Variants in LARGE1 observed in about 807,000 individuals in gnomAD.
LARGE1 encodes the protein xylosyl- and glucuronyltransferase LARGE1.
A neutral mutation model predicts 87.6 loss-of-function variants in LARGE1; 43 were observed. The observed-to-expected ratio is 0.49, with a 90% CI of 0.38 to 0.63. LARGE1 has a LOEUF of 0.63. Ranked by LOEUF, LARGE1 falls within the 30% of genes least tolerant of loss-of-function variation. The probability of loss-of-function intolerance (pLI) is 0.00; values close to 1 mark genes in which losing one functional copy is unlikely to be tolerated. For synonymous variants in LARGE1, 434 were observed against 394.6 expected (o/e 1.10, Z -1.18); for missense variants, 802 against 1,000.2 (o/e 0.80, Z 2.67).
At chr22:33,830,468 T>C (rs538831451) in intron 1 of LARGE1, among the ~76,000 whole-genome samples, 7 of 152,296 alleles carry the variant, frequency 4.6e-5, no homozygotes, top group African/African-American at 1.7e-4. Context: ...TTGTGCCAGA[T>C]GGCCTGCCTT....
At chr22:33,509,312 C>A (rs1202677244) in intron 6 of LARGE1, among the ~76,000 whole-genome samples, 1 of 152,146 alleles carries the variant, frequency 6.6e-6, no homozygotes, top group Non-Finnish European at 1.5e-5. Context: ...TGATCCAAGA[C>A]CCTCTCCCCA....
chr22:33,486,179 AC>A (rs900301017), intron 6 of LARGE1, among the ~76,000 whole-genome samples: 1 of 152,070 alleles, frequency 6.6e-6, no homozygotes, highest in African/African-American at 2.4e-5. Flanking sequence ...TGGCTTGCCC[AC>A]TCTGAGCCTC....
chr22:33,854,985 A>G (rs1374697568), intron 1 of LARGE1, among the ~76,000 whole-genome samples: 2 of 152,278 alleles, frequency 1.3e-5, no homozygotes, highest in South Asian at 2.1e-4. Flanking sequence ...GCAGAGAGAG[A>G]GAGCACTTTC....
chr22:33,670,437 T>G (rs976447214), intron 2 of LARGE1, among the ~76,000 whole-genome samples: 1 of 151,416 alleles, frequency 6.6e-6, no homozygotes, highest in Non-Finnish European at 1.5e-5. Context: ...AGAGACATGT[T>G]CAAGCAGAGG....
In LARGE1 at chr22:33,337,918, C is replaced by T. The variant is rs552705439; in HGVS notation, c.1132-117G>A. On this transcript the variant is annotated intron_variant, in intron 9 of 14. Coordinates refer to ENST00000397394, the MANE Select transcript of LARGE1 (RefSeq NM_133642.5). ...AGCATTATTTGAGGGTCTGCTCATT[C>T]GCTCATTCAACATTTTGGCAGAGTG... is the stretch of plus-strand genomic sequence containing the variant. 70 of 1,145,602 alleles carry T rather than the reference C, an allele frequency of 6.1e-5. No homozygotes were observed. In the East Asian group the frequency reaches 1.5e-3, roughly 25 times the overall value. 71.0% of individuals were successfully genotyped at this position (1,145,602 alleles called of 1,614,324 possible).
intron 2 of LARGE1, chr22:33,750,593 T>C (rs899348714): frequency 2.0e-5 from 3 of 149,860 alleles, no homozygotes; most frequent in Non-Finnish European, 4.4e-5. Context: ...TTTTTTTTTT[T>C]CCATTTCCAG....
chr22:33,590,445 C>T (rs887614324), intron 5 of LARGE1, among the ~76,000 whole-genome samples: 3 of 152,134 alleles, frequency 2.0e-5, no homozygotes, highest in Non-Finnish European at 4.4e-5. Flanking sequence ...CACAATTCAC[C>T]TCTTTTAAAC....
chr22:33,523,960 C>G (rs537874702), intron 6 of LARGE1, among the ~76,000 whole-genome samples: 1 of 151,662 alleles, frequency 6.6e-6, no homozygotes, highest in Admixed American at 6.6e-5. Context: ...GAGAACTGTG[C>G]CATCATCACT....
intron 2 of LARGE1, among the ~76,000 whole-genome samples, chr22:33,748,582 T>C (rs1335282243): frequency 6.6e-6 from 1 of 151,930 alleles, no homozygotes; most frequent in Non-Finnish European, 1.5e-5. Context: ...TTACGCAGAG[T>C]CAATTTGCGG....
intron 6 of LARGE1, among the ~76,000 whole-genome samples, chr22:33,506,818 T>C (rs926761502): frequency 1.3e-5 from 2 of 152,128 alleles, no homozygotes; most frequent in Non-Finnish European, 2.9e-5. Context: ...AGAGAATCGC[T>C]TGAACCCAGG....
intron 1 of LARGE1, among the ~76,000 whole-genome samples, chr22:33,870,638 G>A (rs372386189): frequency 2.0e-5 from 3 of 151,970 alleles, no homozygotes; most frequent in East Asian, 1.9e-4. Flanking sequence ...GCGCAATCTC[G>A]GCTCACTGCA....
At chr22:33,367,745 A>G (rs1199432319) in intron 9 of LARGE1, among the ~76,000 whole-genome samples, 2 of 152,134 alleles carry the variant, frequency 1.3e-5, no homozygotes, top group Non-Finnish European at 2.9e-5. Context: ...CGTTGTTTAT[A>G]TTAATATATC....
intron 12 of LARGE1, among the ~76,000 whole-genome samples, chr22:33,289,255 G>A (rs1932107299): frequency 6.6e-6 from 1 of 152,190 alleles, no homozygotes; most frequent in Non-Finnish European, 1.5e-5. Flanking sequence ...ACCGCGCCCA[G>A]CTGGACCAAG....
At chr22:33,492,566 A>G (rs2069900092) in intron 6 of LARGE1, among the ~76,000 whole-genome samples, 1 of 151,978 alleles carries the variant, frequency 6.6e-6, no homozygotes, top group Admixed American at 6.6e-5. Context: ...CAGAGTGGGG[A>G]CTCCGTGCTG....
chr22:33,424,253 G>A (rs751165568), intron 7 of LARGE1, among the ~76,000 whole-genome samples: 9 of 152,220 alleles, frequency 5.9e-5, no homozygotes, highest in Non-Finnish European at 8.8e-5. Flanking sequence ...AGGTGGAGGT[G>A]TGAACCTTCA....
chr22:33,814,920 C>T (rs928456711), intron 1 of LARGE1, among the ~76,000 whole-genome samples: 5 of 152,136 alleles, frequency 3.3e-5, no homozygotes, highest in Admixed American at 6.5e-5. Flanking sequence ...CTGCCTGCAG[C>T]GAAACAACAT....
intron 12 of LARGE1, among the ~76,000 whole-genome samples, chr22:33,299,477 T>C (rs938555409): frequency 2.0e-5 from 3 of 152,136 alleles, no homozygotes; most frequent in African/African-American, 7.2e-5. Flanking sequence ...GTAGTATCAA[T>C]ATATAGTTTC....
intron 7 of LARGE1, among the ~76,000 whole-genome samples, chr22:33,395,487 T>C (rs961528800): frequency 3.3e-5 from 5 of 152,226 alleles, no homozygotes; most frequent in Admixed American, 3.3e-4. Context: ...AGAGGACTAC[T>C]TGCAGGCAAG....
At chr22:33,169,656 A>G (rs1191013162) in intron 11 of LARGE1, among the ~76,000 whole-genome samples, 1 of 151,810 alleles carries the variant, frequency 6.6e-6, no homozygotes, top group East Asian at 1.9e-4. Context: ...TTGAGATCAT[A>G]CTGGCTAACA....
Sources: allele counts gnomAD v4.1 joint callset (sites outside exome capture counted in the v4.1 genomes callset), GRCh38; gene constraint gnomAD v4.1.1; transcripts MANE v1.5; gene names NCBI Gene and HGNC (gene_info 2026-07-23, HGNC 2026-07-21).